LRRC37A: variants seen among roughly 807,000 people sequenced by gnomAD.
LRRC37A encodes the protein leucine rich repeat containing 37A.
In LRRC37A, 3 loss-of-function variants were observed where a neutral mutation model predicts 35.4. That is an observed-to-expected ratio of 0.08 (90% CI 0.04 to 0.22). The LOEUF (loss-of-function observed/expected upper bound fraction) is 0.22. Ranked by LOEUF, LRRC37A falls within the 10% of genes least tolerant of loss-of-function variation. LRRC37A has a pLI of 1.00. For synonymous variants in LRRC37A, 23 were observed against 215.0 expected (o/e 0.11, Z 7.81); for missense variants, 67 against 565.3 (o/e 0.12, Z 8.94).
At chr17:46,250,040 A>T in the LRRC37A span, among the ~76,000 whole-genome samples, 1 of 152,212 alleles carries the variant, frequency 6.6e-6, no homozygotes, top group African/African-American at 2.4e-5. Flanking sequence ...CAGGCGATCC[A>T]CTTGCCTCGG....
the LRRC37A span, among the ~76,000 whole-genome samples, chr17:46,260,913 G>C: frequency 0.15 from 22,098 of 151,776 alleles, 2,246 homozygotes; most frequent in Middle Eastern, 0.22. Flanking sequence ...ATGAGCCACC[G>C]TGCCCCGTCT....
chr17:46,262,066 C>T, the LRRC37A span, among the ~76,000 whole-genome samples: 1 of 152,218 alleles, frequency 6.6e-6, no homozygotes, highest in Non-Finnish European at 1.5e-5. Flanking sequence ...TCTCCTGTCT[C>T]AGCCTCCTGA....
the LRRC37A span, among the ~76,000 whole-genome samples, chr17:46,287,205 G>A: frequency 6.6e-6 from 1 of 152,198 alleles, no homozygotes; most frequent in East Asian, 1.9e-4. Flanking sequence ...AGTGAAATAT[G>A]GGTCTTTAAA....
At chr17:46,255,801 G>A in the LRRC37A span, among the ~76,000 whole-genome samples, 9 of 151,374 alleles carry the variant, frequency 5.9e-5, no homozygotes, top group Non-Finnish European at 8.8e-5. Context: ...TCAGCCTCCC[G>A]AATAGCTGGG....
the LRRC37A span, among the ~76,000 whole-genome samples, chr17:46,269,076 A>G: frequency 6.6e-6 from 1 of 152,248 alleles, no homozygotes; most frequent in South Asian, 2.1e-4. Context: ...CATGTATCAA[A>G]CCTGATTTTA....
chr17:46,259,107 A>G, the LRRC37A span, among the ~76,000 whole-genome samples: 1 of 147,226 alleles, frequency 6.8e-6, no homozygotes, highest in African/African-American at 2.5e-5. Context: ...CCAAAACTAT[A>G]CAGAAACCAA....
chr17:46,264,417 G>A, the LRRC37A span, among the ~76,000 whole-genome samples: 3 of 152,210 alleles, frequency 2.0e-5, no homozygotes, highest in African/African-American at 7.2e-5. Flanking sequence ...TTGTAAAGAT[G>A]AACACATTAG....
the LRRC37A span, among the ~76,000 whole-genome samples, chr17:46,274,407 T>G: frequency 2.6e-5 from 4 of 152,380 alleles, no homozygotes; most frequent in East Asian, 7.7e-4. Context: ...CCAACCTTTA[T>G]GCAAGCTTGA....
chr17:46,253,943 A>G, the LRRC37A span, among the ~76,000 whole-genome samples: 2 of 152,242 alleles, frequency 1.3e-5, no homozygotes, highest in Non-Finnish European at 2.9e-5. Flanking sequence ...ATTTGAACCA[A>G]CAGAGGTAGG....
chr17:46,280,569 CTTT>C, the LRRC37A span, among the ~76,000 whole-genome samples: 18 of 111,992 alleles, frequency 1.6e-4, no homozygotes, highest in Middle Eastern at 7.4e-3. Flanking sequence ...TGATAGCACA[CTTT>C]TTTTTTTTTT....
chr17:46,262,954 T>G, the LRRC37A span, among the ~76,000 whole-genome samples: 1 of 152,214 alleles, frequency 6.6e-6, no homozygotes, highest in Non-Finnish European at 1.5e-5. Context: ...AGTTTATGCC[T>G]GTCATCCAAG....
chr17:46,291,445 A>T (rs3095129), upstream of LRRC37A, among the ~76,000 whole-genome samples: 5 of 152,124 alleles, frequency 3.3e-5, no homozygotes, highest in Non-Finnish European at 7.3e-5. Flanking sequence ...ACTAACAGTA[A>T]GAGTTTCTCG....
chr17:46,275,558 G>A, the LRRC37A span: 11 of 507,072 alleles, frequency 2.2e-5, no homozygotes, highest in Admixed American at 5.9e-5. Context: ...AGAAAAGAAC[G>A]ATTAAGAAAT....
At chr17:46,271,332 ATTTTTTTT>A in the LRRC37A span, among the ~76,000 whole-genome samples, 2 of 125,664 alleles carry the variant, frequency 1.6e-5, no homozygotes, top group Admixed American at 8.4e-5. Context: ...TACCTAGCTA[ATTTTTTTT>A]TTTTTTTTTT....
At chr17:46,314,901 A>T (rs1372829652) in intron 5 of LRRC37A, among the ~76,000 whole-genome samples, 1 of 79,298 alleles carries the variant, frequency 1.3e-5, no homozygotes, top group African/African-American at 3.2e-5. Context: ...GAAAGACTTT[A>T]TGAAGGATTG....
At chr17:46,259,129 C>T in the LRRC37A span, among the ~76,000 whole-genome samples, 1 of 144,234 alleles carries the variant, frequency 6.9e-6, no homozygotes, top group Non-Finnish European at 1.5e-5. Flanking sequence ...ACCAGAATGC[C>T]ATGTGGTGGA....
chr17:46,274,469 T>C, the LRRC37A span, among the ~76,000 whole-genome samples: 1 of 152,252 alleles, frequency 6.6e-6, no homozygotes, highest in Non-Finnish European at 1.5e-5. Context: ...GTTGTGTGTG[T>C]GTGCACATGT....
At chr17:46,258,747 C>T in the LRRC37A span, among the ~76,000 whole-genome samples, 1 of 124,118 alleles carries the variant, frequency 8.1e-6, no homozygotes, top group Non-Finnish European at 1.6e-5. Context: ...TAGAGTCTCA[C>T]TTGGTCACCC....
the LRRC37A span, among the ~76,000 whole-genome samples, chr17:46,273,449 C>T: frequency 6.6e-6 from 1 of 152,230 alleles, no homozygotes; most frequent in Non-Finnish European, 1.5e-5. Flanking sequence ...ATAACCTGTA[C>T]ACCTGAGCCT....
Sources: gnomAD v4.1 joint callset for allele counts (sites outside exome capture counted in the v4.1 genomes callset) on GRCh38, gnomAD v4.1.1 for gene constraint, MANE v1.5 for transcripts, NCBI Gene and HGNC (gene_info 2026-07-23, HGNC 2026-07-21) for gene names.